Variants in MAP4K4 observed in about 807,000 individuals in gnomAD.
MAP4K4 encodes the protein HPK/GCK-like kinase HGK.
Under a neutral mutation model 189.6 loss-of-function variants are expected in MAP4K4, and 38 were observed. The ratio of observed to expected loss-of-function variants is 0.20; its 90% CI spans 0.15 to 0.26. The LOEUF (loss-of-function observed/expected upper bound fraction) is 0.26. Ranked by LOEUF, MAP4K4 falls within the 10% of genes least tolerant of loss-of-function variation. MAP4K4 has a pLI of 1.00. For synonymous variants in MAP4K4, 610 were observed against 624.3 expected, an observed-to-expected ratio of 0.98 and a Z score of 0.34; for missense variants, 1,054 against 1,726.9, an observed-to-expected ratio of 0.61 and a Z score of 6.91.
At chr2:101,817,760 G>A (rs2095812342) in intron 3 of MAP4K4, among the ~76,000 whole-genome samples, 1 of 152,222 alleles carries the variant, frequency 6.6e-6, no homozygotes, top group Admixed American at 6.5e-5. Context: ...CATTGGTTCA[G>A]TAGCAGAACT....
chr2:101,835,041 A>G (rs558714326), intron 8 of MAP4K4, among the ~76,000 whole-genome samples: 6 of 152,272 alleles, frequency 3.9e-5, no homozygotes, highest in African/African-American at 7.2e-5. Context: ...CAAAGAATGT[A>G]TAACTGTCTG....
chr2:101,772,227 A>G (rs2081833880), intron 2 of MAP4K4, among the ~76,000 whole-genome samples: 1 of 152,260 alleles, frequency 6.6e-6, no homozygotes, highest in Admixed American at 6.5e-5. Context: ...AAAATCATTC[A>G]GAAATAAATT....
At chr2:101,766,050 T>C (rs1165653360) in intron 2 of MAP4K4, among the ~76,000 whole-genome samples, 1 of 152,230 alleles carries the variant, frequency 6.6e-6, no homozygotes, top group African/African-American at 2.4e-5. Context: ...GACACTTTCA[T>C]TGGCCCTGGC....
intron 4 of MAP4K4, 79 bp downstream of exon 4, chr2:101,824,132 G>GGGGGGGGGGGGGAA: frequency 1.8e-5 from 1 of 56,768 alleles, no homozygotes; most frequent in Non-Finnish European, 3.8e-5. Context: ...GGGGGCGGGG[G>GGGGGGGGGGGGGAA]AAAGAGGGGG....
At chr2:101,825,296 C>A (rs762325311) in intron 4 of MAP4K4, 23 bp from the exon 5 acceptor site, 2 of 1,488,772 alleles carry the variant, frequency 1.3e-6, no homozygotes, top group South Asian at 1.2e-5. Context: ...TGTTGCTCAC[C>A]TTGTGTCTTG....
At chr2:101,772,452 T>C (rs1022052731) in intron 2 of MAP4K4, among the ~76,000 whole-genome samples, 1 of 152,264 alleles carries the variant, frequency 6.6e-6, no homozygotes, top group Non-Finnish European at 1.5e-5. Context: ...GGCATATCTA[T>C]AGAAATATTT....
intron 2 of MAP4K4, among the ~76,000 whole-genome samples, chr2:101,713,330 C>T (rs567640393): frequency 3.9e-5 from 6 of 152,268 alleles, no homozygotes; most frequent in African/African-American, 1.4e-4. Context: ...TGCAGTGGCT[C>T]ATTCCTGTAG....
intron 2 of MAP4K4, among the ~76,000 whole-genome samples, chr2:101,728,973 G>A (rs1193842223): frequency 6.6e-6 from 1 of 152,172 alleles, no homozygotes; most frequent in Non-Finnish European, 1.5e-5. Context: ...ATTGGTGAGT[G>A]TTGCACAAAT....
rs542108089 is a variant in MAP4K4, at chr2:101,778,851, A to G, written c.124-11869A>G. Among the ~76,000 whole-genome samples the G allele has an allele frequency of 5.3e-4, 80 of 152,238 alleles. No homozygotes were observed. The South Asian group carries it at 1.0e-2, about 19-fold the overall frequency. On this transcript the variant is annotated intron_variant, in intron 2 of 32. Transcript: ENST00000324219. ...TTTAAATCTCTGTGGCCGGTAAGGA[A>G]AAGTGCTGATCCAAATCAGTGATCT...
chr2:101,808,551 C>T (rs887654320), intron 3 of MAP4K4, among the ~76,000 whole-genome samples: 1 of 149,210 alleles, frequency 6.7e-6, no homozygotes, highest in African/African-American at 2.5e-5. Flanking sequence ...CTCACCCCCC[C>T]CCACCCCGTT....
intron 2 of MAP4K4, among the ~76,000 whole-genome samples, chr2:101,714,055 C>A (rs2047099328): frequency 6.6e-6 from 1 of 151,912 alleles, no homozygotes; most frequent in Non-Finnish European, 1.5e-5. Flanking sequence ...ACAATAGAGA[C>A]AAACCTCAAA....
chr2:101,784,725 A>T (rs950675856), intron 2 of MAP4K4, among the ~76,000 whole-genome samples: 5 of 152,172 alleles, frequency 3.3e-5, no homozygotes, highest in African/African-American at 1.2e-4. Flanking sequence ...TGGTTACTGT[A>T]TTGCCATGTT....
intron 2 of MAP4K4, among the ~76,000 whole-genome samples, chr2:101,735,173 T>G (rs1209416767): frequency 6.6e-6 from 1 of 152,122 alleles, no homozygotes; most frequent in Admixed American, 6.5e-5. Flanking sequence ...GAGACCACTG[T>G]TACCATACCA....
intron 3 of MAP4K4, among the ~76,000 whole-genome samples, chr2:101,811,522 C>T (rs1391964771): frequency 6.6e-6 from 1 of 152,060 alleles, no homozygotes. Context: ...TTGACAGCTG[C>T]CCAAGCTCAC....
At chr2:101,871,756 G>C (rs1253212036) in intron 24 of MAP4K4, 71 bp downstream of exon 24, 8 of 1,408,124 alleles carry the variant, frequency 5.7e-6, no homozygotes, top group Non-Finnish European at 7.6e-6. Context: ...AGTTTGCAAA[G>C]GAGACCTTTC....
At chr2:101,892,046 C>T (rs2098579105) in exon 33 of MAP4K4, 1 of 139,234 alleles carries the variant, frequency 7.2e-6, no homozygotes, top group African/African-American at 2.7e-5. Context: ...AAAACGTGTG[C>T]ATTTTGTATA....
chr2:101,733,092 G>A (rs1304387443), intron 2 of MAP4K4, among the ~76,000 whole-genome samples: 1 of 152,234 alleles, frequency 6.6e-6, no homozygotes, highest in African/African-American at 2.4e-5. Flanking sequence ...ACCTACCTGT[G>A]TTGTGAGATA....
At chr2:101,699,673 C>G (rs2037081315) in intron 2 of MAP4K4, among the ~76,000 whole-genome samples, 1 of 151,556 alleles carries the variant, frequency 6.6e-6, no homozygotes, top group Non-Finnish European at 1.5e-5. Flanking sequence ...TGTCTCTTTT[C>G]TGCGTTGTGA....
exon 31 of MAP4K4, chr2:101,887,783 G>A: frequency 6.2e-7 from 1 of 1,608,678 alleles, no homozygotes. Context: ...TCTAGATCCA[G>A]TGTAGCATCA....
Sources: allele counts gnomAD v4.1 joint callset (sites outside exome capture counted in the v4.1 genomes callset), GRCh38; gene constraint gnomAD v4.1.1; transcripts MANE v1.5; gene names NCBI Gene and HGNC (gene_info 2026-07-23, HGNC 2026-07-21).